The following RBFOX1 variants were observed in gnomAD, a reference collection of about 807,000 sequenced individuals.
RBFOX1 encodes the protein RNA binding protein fox-1 homolog 1.
A neutral mutation model predicts 57.7 loss-of-function variants in RBFOX1; 8 were observed. That is an observed-to-expected ratio of 0.14 (90% CI 0.08 to 0.25). The LOEUF is 0.25. Ranked by LOEUF, RBFOX1 falls within the 10% of genes least tolerant of loss-of-function variation. RBFOX1 has a pLI of 1.00. For missense variants in RBFOX1, 611 were observed against 548.5 expected (o/e 1.11, Z -1.14); for synonymous variants, 326 against 222.4 (o/e 1.47, Z -4.15).
At chr16:7,286,552 A>G (rs1368892113) in intron 4 of RBFOX1, among the ~76,000 whole-genome samples, 1 of 149,226 alleles carries the variant, frequency 6.7e-6, no homozygotes, top group Non-Finnish European at 1.5e-5. Context: ...AGGTTCAAGC[A>G]ACTTTCCCTG....
At chr16:6,191,526 TTA>T (rs2097141780) in intron 1 of RBFOX1, among the ~76,000 whole-genome samples, 1 of 152,174 alleles carries the variant, frequency 6.6e-6, no homozygotes. Context: ...ATCTCAAATG[TTA>T]TGAGTATACC....
In RBFOX1 at chr16:5,306,303, G is replaced by T. The variant is rs777338152; in HGVS notation, c.219+66198G>T. ...AATATTCCAGATACTCCCTTTCCAA[G>T]GAAGAGGTCTTCTAGAATTCTTTTT... On this transcript the variant is annotated intron_variant, in intron 1 of 2. Coordinates refer to the RBFOX1 transcript ENST00000585867. Among the ~76,000 whole-genome samples the T allele has an allele frequency of 4.7e-4, 71 of 151,034 alleles. 1 individual carries two copies. Among genetic ancestry groups the T allele is most frequent in the Non-Finnish European group, 3.8e-4 (26 of 67,896 alleles).
At chr16:7,621,420 C>T (rs1371986775) in intron 10 of RBFOX1, among the ~76,000 whole-genome samples, 1 of 152,014 alleles carries the variant, frequency 6.6e-6, no homozygotes, top group Non-Finnish European at 1.5e-5. Flanking sequence ...GCCACCACGC[C>T]TGGCTAATTA....
chr16:7,591,234 A>T lies in RBFOX1; in HGVS notation c.468+3934A>T, dbSNP rs17144238. Among the ~76,000 whole-genome samples the T allele has an allele frequency of 8.6e-3, 1,305 of 152,270 alleles. 16 individuals are homozygous for T. Among genetic ancestry groups the T allele is most frequent in the African/African-American group, 0.03 (1,247 of 41,564 alleles). On this transcript the variant is annotated intron_variant, in intron 7 of 15. Coordinates refer to ENST00000550418, the MANE Select transcript of RBFOX1 (RefSeq NM_018723.4). ...CAAAGATCACTGGAGTAAAAGTGAG[A>T]TGAGAGGGCTCATAGTCCCATCGGA...
At chr16:5,406,109 TATTC>T (rs754655981) in intron 1 of RBFOX1, among the ~76,000 whole-genome samples, 4 of 152,236 alleles carry the variant, frequency 2.6e-5, no homozygotes, top group Admixed American at 2.0e-4. Context: ...ATTATTCTTT[TATTC>T]ATTCATTCAT....
chr16:6,544,857 C>T (rs897384409), intron 2 of RBFOX1, among the ~76,000 whole-genome samples: 2 of 152,182 alleles, frequency 1.3e-5, no homozygotes, highest in Non-Finnish European at 1.5e-5. Context: ...GGGCTTGATC[C>T]AAGTTGGAAT....
intron 2 of RBFOX1, among the ~76,000 whole-genome samples, chr16:6,451,830 A>C (rs1216557249): frequency 6.6e-6 from 1 of 151,472 alleles, no homozygotes; most frequent in East Asian, 1.9e-4. Context: ...GACTCCATCC[A>C]TGGCTCTTTC....
intron 3 of RBFOX1, among the ~76,000 whole-genome samples, chr16:6,976,811 A>G (rs1211665757): frequency 1.4e-5 from 2 of 145,860 alleles, no homozygotes; most frequent in Non-Finnish European, 3.0e-5. Flanking sequence ...TGAGATATAA[A>G]TGATCTAGAT....
chr16:7,233,123 G>T lies in RBFOX1; in HGVS notation c.27+181025G>T, dbSNP rs116002071. On this transcript the variant is annotated intron_variant, in intron 4 of 15. Transcript: ENST00000550418. ...GTACATAGGATGCTTTCCCTTCCCA[G>T]TTAAAAACCCCACTGTACTTAGAGT... Among the ~76,000 whole-genome samples the T allele has an allele frequency of 8.6e-3, 1,297 of 151,668 alleles. 16 individuals are homozygous for T. Among genetic ancestry groups the T allele is most frequent in the Middle Eastern group, 0.034 (10 of 290 alleles).
intron 3 of RBFOX1, among the ~76,000 whole-genome samples, chr16:5,613,611 C>T (rs918818299): frequency 1.6e-4 from 24 of 152,110 alleles, no homozygotes; most frequent in African/African-American, 5.8e-4. Flanking sequence ...ATTTGATGGA[C>T]AAATTCAGAC....
chr16:6,869,180 A>C (rs1363653473), intron 3 of RBFOX1, among the ~76,000 whole-genome samples: 1 of 152,096 alleles, frequency 6.6e-6, no homozygotes, highest in Non-Finnish European at 1.5e-5. Flanking sequence ...GCTGCTTTGC[A>C]CGCTCATCTC....
intron 3 of RBFOX1, among the ~76,000 whole-genome samples, chr16:6,659,657 C>T (rs1211956840): frequency 6.6e-6 from 1 of 152,124 alleles, no homozygotes; most frequent in Admixed American, 6.5e-5. Flanking sequence ...AGTTTCAATA[C>T]TACCCTGCTT....
At chr16:6,676,140 GCGCACACACACACACACACA>G (rs2057620518) in intron 3 of RBFOX1, among the ~76,000 whole-genome samples, 3 of 27,832 alleles carry the variant, frequency 1.1e-4, no homozygotes, top group African/African-American at 2.1e-4. Context: ...ACACACACAC[GCGCACACACACACACACACA>G]CACACACACA....
intron 13 of RBFOX1, among the ~76,000 whole-genome samples, chr16:7,670,449 C>A (rs369705083): frequency 1.3e-5 from 2 of 152,154 alleles, no homozygotes; most frequent in Non-Finnish European, 2.9e-5. Context: ...CCTGAGCCCA[C>A]AAACTCAAGT....
intron 2 of RBFOX1, among the ~76,000 whole-genome samples, chr16:6,547,238 T>C (rs1019175158): frequency 1.3e-5 from 2 of 152,194 alleles, no homozygotes; most frequent in Admixed American, 6.5e-5. Flanking sequence ...GTATCTGTTT[T>C]TTCTTCCTCC....
At chr16:5,642,117 C>T (rs1046263587) in intron 3 of RBFOX1, among the ~76,000 whole-genome samples, 1 of 152,134 alleles carries the variant, frequency 6.6e-6, no homozygotes, top group African/African-American at 2.4e-5. Context: ...GGAGTTTATT[C>T]TGCCTGGCTG....
chr16:5,703,256 A>C (rs1480528441), intron 3 of RBFOX1, among the ~76,000 whole-genome samples: 1 of 152,222 alleles, frequency 6.6e-6, no homozygotes, highest in African/African-American at 2.4e-5. Flanking sequence ...GTATGGGGTA[A>C]GGGCATTGGG....
intron 2 of RBFOX1, among the ~76,000 whole-genome samples, chr16:6,506,568 C>G (rs1251546219): frequency 6.7e-6 from 1 of 149,964 alleles, no homozygotes; most frequent in Admixed American, 6.6e-5. Flanking sequence ...GTAGTCTAGA[C>G]TCACCTTTGA....
chr16:6,931,239 T>G (rs575907168), intron 3 of RBFOX1, among the ~76,000 whole-genome samples: 1 of 151,758 alleles, frequency 6.6e-6, no homozygotes, highest in Admixed American at 6.6e-5. Context: ...ATTAAGGGGT[T>G]GTTTGCTCTT....
Sources: gnomAD v4.1 joint callset for allele counts (sites outside exome capture counted in the v4.1 genomes callset) on GRCh38, gnomAD v4.1.1 for gene constraint, MANE v1.5 for transcripts, NCBI Gene and HGNC (gene_info 2026-07-23, HGNC 2026-07-21) for gene names.